PRKD1: variants seen among roughly 807,000 people sequenced by gnomAD.
PRKD1 encodes the protein serine/threonine-protein kinase D1.
A neutral mutation model predicts 95.9 loss-of-function variants in PRKD1; 63 were observed. That is an observed-to-expected ratio of 0.66 (90% CI 0.54 to 0.81). The LOEUF (loss-of-function observed/expected upper bound fraction) is 0.81. PRKD1 is among the 30% of genes least tolerant of loss of function. The pLI, the probability that PRKD1 is intolerant of heterozygous loss-of-function variation, is 0.00. For missense variants in PRKD1, 1,048 were observed against 1,165.3 expected (o/e 0.90, Z 1.47); for synonymous variants, 425 against 423.1 (o/e 1.00, Z -0.05).
At chr14:29,777,757 T>C (rs1380546910) in intron 1 of PRKD1, among the ~76,000 whole-genome samples, 1 of 152,090 alleles carries the variant, frequency 6.6e-6, no homozygotes, top group Non-Finnish European at 1.5e-5. Context: ...TTACCAAGGA[T>C]ATACAGGAAT....
chr14:29,673,536 A>G (rs1566530110), intron 2 of PRKD1, among the ~76,000 whole-genome samples: 1 of 152,212 alleles, frequency 6.6e-6, no homozygotes, highest in East Asian at 1.9e-4. Flanking sequence ...CACTTCTGTC[A>G]TAAAATGTAT....
intron 1 of PRKD1, among the ~76,000 whole-genome samples, chr14:29,752,364 T>C (rs1360704871): frequency 1.3e-5 from 2 of 152,044 alleles, no homozygotes; most frequent in African/African-American, 4.8e-5. Context: ...GGATAATAAA[T>C]TATTTTTTCC....
rs548821453 is a variant in PRKD1 at position 29,605,834 on chromosome 14, C to T, written c.1906-6017G>A. 4.6e-5 allele frequency among the ~76,000 whole-genome samples: 7 copies of T among 152,230 alleles called. No homozygotes were observed. In the South Asian group the frequency reaches 1.2e-3, roughly 27 times the overall value. ...AAGATCTCCATGGCTTTTAGATATG[C>T]TAGTACGTGTTCGACATATTTAGTG... On this transcript the variant is annotated intron_variant, in intron 13 of 17. Coordinates refer to ENST00000331968, the MANE Select transcript of PRKD1 (RefSeq NM_002742.3).
At chr14:29,782,387 G>A (rs1490692777) in intron 1 of PRKD1, among the ~76,000 whole-genome samples, 2 of 151,704 alleles carry the variant, frequency 1.3e-5, no homozygotes, top group East Asian at 1.9e-4. Flanking sequence ...AACCCAAAAG[G>A]TCCTAAAAAA....
chr14:29,775,305 C>G (rs1209380645), intron 1 of PRKD1, among the ~76,000 whole-genome samples: 1 of 152,130 alleles, frequency 6.6e-6, no homozygotes, highest in Non-Finnish European at 1.5e-5. Flanking sequence ...GGGTGCAGGA[C>G]AGTGGGTGCA....
chr14:29,769,671 C>A (rs1351666156), intron 1 of PRKD1, among the ~76,000 whole-genome samples: 3 of 152,162 alleles, frequency 2.0e-5, no homozygotes, highest in Non-Finnish European at 4.4e-5. Context: ...TGACACCCAA[C>A]CCACTGTATA....
chr14:29,668,748 CT>C, intron 2 of PRKD1, among the ~76,000 whole-genome samples: 1 of 152,070 alleles, frequency 6.6e-6, no homozygotes, highest in East Asian at 1.9e-4. Context: ...ATTTTCAGTA[CT>C]TTTTTAAAAA....
rs376486171 is a variant in PRKD1, at chr14:29,611,746, C to A, written c.1906-11929G>T. On this transcript the variant is annotated intron_variant, in intron 13 of 17. Transcript: ENST00000331968. ...GAATATTAAAAGTGTGAATTATTAC[C>A]AAAAAAAAAAAAAACAAACGCTGGA... 1.3e-3 allele frequency among the ~76,000 whole-genome samples: 173 copies of A among 136,484 alleles called. 1 individual carries two copies. Among genetic ancestry groups the A allele is most frequent in the African/African-American group, 1.6e-3 (58 of 35,902 alleles). 89.5% of individuals were successfully genotyped at this position (136,484 alleles called of 152,430 possible). A position where few individuals can be genotyped will look rare whatever the true frequency, so the allele number is the denominator to read the frequency against.
chr14:29,847,689 T>C (rs1892134943), intron 1 of PRKD1, among the ~76,000 whole-genome samples: 2 of 152,326 alleles, frequency 1.3e-5, no homozygotes, highest in South Asian at 2.1e-4. Context: ...AAATATCAGC[T>C]AGCCCGTTTA....
chr14:29,692,735 AATTCACTCATCC>A (rs1884307400), intron 2 of PRKD1, among the ~76,000 whole-genome samples: 1 of 152,140 alleles, frequency 6.6e-6, no homozygotes, highest in Non-Finnish European at 1.5e-5. Context: ...ACAGACACTT[AATTCACTCATCC>A]TTCCCCTTTG....
At chr14:29,894,331 A>G (rs1376037367) in intron 1 of PRKD1, among the ~76,000 whole-genome samples, 2 of 152,218 alleles carry the variant, frequency 1.3e-5, no homozygotes, top group Non-Finnish European at 2.9e-5. Context: ...CCTTGCAATG[A>G]TTGTCCATGT....
intron 13 of PRKD1, among the ~76,000 whole-genome samples, chr14:29,620,392 T>C (rs1309523263): frequency 8.0e-5 from 12 of 149,544 alleles, no homozygotes; most frequent in Non-Finnish European, 1.8e-4. Context: ...ACAGGCAACC[T>C]ACAAAATGGG....
chr14:29,597,437 T>A, intron 16 of PRKD1, 54 bp downstream of exon 16: 1 of 1,429,772 alleles, frequency 7.0e-7, no homozygotes, highest in Non-Finnish European at 9.4e-7. Context: ...TTTAAATTAA[T>A]AACATAAACA....
chr14:29,615,636 C>T (rs1029616873), intron 13 of PRKD1, among the ~76,000 whole-genome samples: 1 of 152,182 alleles, frequency 6.6e-6, no homozygotes, highest in African/African-American at 2.4e-5. Flanking sequence ...CTCCACTGTG[C>T]TTCCACAGCG....
intron 1 of PRKD1, among the ~76,000 whole-genome samples, chr14:29,797,032 A>G (rs533054941): frequency 6.6e-6 from 1 of 152,330 alleles, no homozygotes; most frequent in Non-Finnish European, 1.5e-5. Flanking sequence ...CTAAGGAGGA[A>G]GGCCATTAAG....
At chr14:29,775,240 T>A (rs1888685838) in intron 1 of PRKD1, among the ~76,000 whole-genome samples, 1 of 152,186 alleles carries the variant, frequency 6.6e-6, no homozygotes, top group South Asian at 2.1e-4. Flanking sequence ...GGCGGGTGAT[T>A]TCTGCATTTC....
intron 10 of PRKD1, 126 bp downstream of exon 10, chr14:29,630,616 A>G (rs1566498517): frequency 1.6e-6 from 2 of 1,259,984 alleles, no homozygotes; most frequent in Non-Finnish European, 2.2e-6. Flanking sequence ...ACATTCTACA[A>G]TAAACTAAGT....
chr14:29,820,908 A>G (rs1212758652), intron 1 of PRKD1, among the ~76,000 whole-genome samples: 1 of 152,224 alleles, frequency 6.6e-6, no homozygotes, highest in Non-Finnish European at 1.5e-5. Flanking sequence ...AGTTGTACTC[A>G]GCAAACCCAC....
chr14:29,626,223 A>T (rs567434737), intron 12 of PRKD1, among the ~76,000 whole-genome samples: 2 of 152,198 alleles, frequency 1.3e-5, no homozygotes, highest in Non-Finnish European at 2.9e-5. Context: ...CTTCTTCAGT[A>T]CTGTGTGTAC....
Sources: allele counts gnomAD v4.1 joint callset (sites outside exome capture counted in the v4.1 genomes callset), GRCh38; gene constraint gnomAD v4.1.1; transcripts MANE v1.5; gene names NCBI Gene and HGNC (gene_info 2026-07-23, HGNC 2026-07-21).